KDSR: variants seen among roughly 807,000 people sequenced by gnomAD.
KDSR encodes the protein 3-dehydrosphinganine reductase.
A neutral mutation model predicts 41.3 loss-of-function variants in KDSR; 23 were observed. The observed-to-expected ratio is 0.56, with a 90% confidence interval of 0.40 to 0.79. The LOEUF (loss-of-function observed/expected upper bound fraction) is 0.79, where lower values mean the gene tolerates loss of function less well. Among genes scored for constraint, KDSR ranks in the 30% least tolerant of loss-of-function variants. KDSR has a pLI of 0.00. For synonymous variants in KDSR, 138 were observed against 151.7 expected, an observed-to-expected ratio of 0.91 and a Z score of 0.66; for missense variants, 351 against 416.8, an observed-to-expected ratio of 0.84 and a Z score of 1.37.
chr18:63,331,212 C>G lies in KDSR; in HGVS notation c.*570G>C. 4.3e-6 allele frequency: 1 copy of G among 232,980 alleles called. No homozygotes were observed. Among genetic ancestry groups the G allele is most frequent in the African/African-American group, 2.2e-5 (1 of 45,374 alleles). 14.4% of individuals were successfully genotyped at this position (232,980 alleles called of 1,614,324 possible). A position where few individuals can be genotyped will look rare whatever the true frequency, so the allele number is the denominator to read the frequency against. ...ACAACACAGGGCTGTCAGTGACATTCAGACTCACTGGCAATGGGTCCAACT... is the reference window on the plus strand; with the variant it reads ...ACAACACAGGGCTGTCAGTGACATTGAGACTCACTGGCAATGGGTCCAACT... On this transcript the variant is annotated 3_prime_UTR_variant, in exon 10 of 10. Coordinates refer to ENST00000645214, the MANE Select transcript of KDSR (RefSeq NM_002035.4).
At chr18:63,350,069 G>T (rs750821536) in intron 6 of KDSR, among the ~76,000 whole-genome samples, 13 of 152,178 alleles carry the variant, frequency 8.5e-5, no homozygotes, top group Non-Finnish European at 1.8e-4. Flanking sequence ...TCCACTGGGG[G>T]TCTTAGCTCA....
In KDSR at chr18:63,337,697, C is replaced by T. The variant is rs563001394; in HGVS notation, c.777+1103G>A. Among the ~76,000 whole-genome samples the T allele has an allele frequency of 9.9e-5, 15 of 152,228 alleles. 1 individual carries two copies. Among genetic ancestry groups the T allele is most frequent in the South Asian group, 4.1e-4 (2 of 4,826 alleles). On this transcript the variant is annotated intron_variant, in intron 8 of 9. Transcript: ENST00000645214. The stretch of plus-strand genomic sequence containing the variant: ...CAGCACTTTGGCCAAGAGGCTGAGG[C>T]GTGCGGATTACCCGAAATCAGGAGT...
chr18:63,336,634 T>G (rs1914167114), intron 8 of KDSR, among the ~76,000 whole-genome samples: 1 of 152,178 alleles, frequency 6.6e-6, no homozygotes, highest in Non-Finnish European at 1.5e-5. Context: ...TAATGCATAA[T>G]GTTACGAAAT....
At chr18:63,358,036 C>T (rs943014059) in intron 3 of KDSR, among the ~76,000 whole-genome samples, 3 of 152,088 alleles carry the variant, frequency 2.0e-5, no homozygotes, top group East Asian at 3.9e-4. Flanking sequence ...ATTAGCTGGG[C>T]GTAGTGACGC....
At chr18:63,356,316 T>C (rs1202618512) in intron 3 of KDSR, among the ~76,000 whole-genome samples, 1 of 152,016 alleles carries the variant, frequency 6.6e-6, no homozygotes, top group Non-Finnish European at 1.5e-5. Flanking sequence ...GGAGAATTGC[T>C]TGACCCTGGG....
intron 3 of KDSR, among the ~76,000 whole-genome samples, chr18:63,359,251 T>G (rs1171272454): frequency 6.6e-6 from 1 of 151,036 alleles, no homozygotes; most frequent in Non-Finnish European, 1.5e-5. Context: ...AAAATCGGGT[T>G]GGCATTTGCC....
At chr18:63,336,920 G>A (rs1033708685) in intron 8 of KDSR, among the ~76,000 whole-genome samples, 1 of 152,066 alleles carries the variant, frequency 6.6e-6, no homozygotes, top group South Asian at 2.1e-4. Context: ...TACAACAGAT[G>A]GAATGCAGAA....
intron 7 of KDSR, among the ~76,000 whole-genome samples, chr18:63,339,874 C>T (rs957123367): frequency 1.3e-5 from 2 of 152,096 alleles, no homozygotes; most frequent in South Asian, 2.1e-4. Flanking sequence ...AACTTTACCA[C>T]GTAAGCTTGA....
At chr18:63,353,524 G>A (rs1355809617) in intron 5 of KDSR, among the ~76,000 whole-genome samples, 1 of 152,150 alleles carries the variant, frequency 6.6e-6, no homozygotes, top group Non-Finnish European at 1.5e-5. Context: ...CTGGCATGGG[G>A]CTGAGACAGG....
intron 2 of KDSR, 117 bp from the exon 3 acceptor site, chr18:63,359,909 C>A: frequency 4.1e-6 from 3 of 730,704 alleles, no homozygotes; most frequent in East Asian, 2.6e-5. Context: ...CCAGAAAACA[C>A]ACAAAACAGT....
At chr18:63,354,733 A>G (rs1914751209) in intron 5 of KDSR, among the ~76,000 whole-genome samples, 1 of 152,238 alleles carries the variant, frequency 6.6e-6, no homozygotes, top group African/African-American at 2.4e-5. Flanking sequence ...TAAATTACCA[A>G]GAGAAGTTCC....
chr18:63,336,917 G>C (rs182702773), intron 8 of KDSR, among the ~76,000 whole-genome samples: 22 of 152,136 alleles, frequency 1.4e-4, no homozygotes, highest in Middle Eastern at 3.4e-3. Context: ...TATTACAACA[G>C]ATGGAATGCA....
At chr18:63,338,712 T>C in intron 8 of KDSR, 88 bp downstream of exon 8, 1 of 847,534 alleles carries the variant, frequency 1.2e-6, no homozygotes, top group Non-Finnish European at 1.9e-6. Flanking sequence ...TAATAATTGA[T>C]GTTTTGAAGT....
At chr18:63,354,040 T>C (rs1484995578) in intron 5 of KDSR, among the ~76,000 whole-genome samples, 1 of 152,148 alleles carries the variant, frequency 6.6e-6, no homozygotes, top group African/African-American at 2.4e-5. Context: ...AGATCTTAGA[T>C]GTTTTTCCCC....
intron 9 of KDSR, 35 bp from the exon 10 acceptor site, chr18:63,331,936 A>G (rs1568274089): frequency 6.3e-7 from 1 of 1,599,960 alleles, no homozygotes; most frequent in Non-Finnish European, 8.5e-7. Flanking sequence ...AGTGCATCCA[A>G]CGGTACAAGA....
intron 7 of KDSR, among the ~76,000 whole-genome samples, chr18:63,340,661 T>C (rs550020484): frequency 6.6e-6 from 1 of 152,360 alleles, no homozygotes; most frequent in East Asian, 1.9e-4. Flanking sequence ...AGTCATTTTA[T>C]ATAAAAGATA....
Position 63,328,595 on chromosome 18 carries a change from C to T in KDSR, c.*3187G>A, listed in dbSNP as rs1379361689. The T allele has an allele frequency of 1.3e-5, 2 of 158,886 alleles. No individual in the cohort carries two copies. Among genetic ancestry groups the T allele is most frequent in the Non-Finnish European group, 1.4e-5 (1 of 72,078 alleles). The allele number at this position is 158,886 out of a possible 1,614,324, so 9.8% of individuals were successfully genotyped here. A position where few individuals can be genotyped will look rare whatever the true frequency, so the allele number is the denominator to read the frequency against. On this transcript the variant is annotated 3_prime_UTR_variant, in exon 10 of 10. Transcript: ENST00000645214. ...CAGGCTGGTCTCGAACTCCTGACCT[C>T]GTGATTCGCCTGTCTCAGCCTCCCA...
intron 5 of KDSR, 96 bp downstream of exon 5, chr18:63,355,108 G>T: frequency 1.3e-6 from 1 of 789,664 alleles, no homozygotes; most frequent in Non-Finnish European, 2.1e-6. Context: ...ATGGACATCT[G>T]AATGCATTCA....
chr18:63,358,810 GT>G (rs1444977822), intron 3 of KDSR, among the ~76,000 whole-genome samples: 11 of 14,894 alleles, frequency 7.4e-4, no homozygotes, highest in African/African-American at 2.1e-3. Context: ...GAGAGACTCT[GT>G]CTCAAAAAAA....
Sources: gnomAD v4.1 joint callset for allele counts (sites outside exome capture counted in the v4.1 genomes callset) on GRCh38, gnomAD v4.1.1 for gene constraint, MANE v1.5 for transcripts, NCBI Gene and HGNC (gene_info 2026-07-23, HGNC 2026-07-21) for gene names.